The following LARP4 variants were observed in gnomAD, a reference collection of about 807,000 sequenced individuals.
LARP4 encodes La ribonucleoprotein 4, also known as la-related protein 4.
Under a neutral mutation model 92.9 loss-of-function variants are expected in LARP4, and 29 were observed. That is an observed-to-expected ratio of 0.31 (90% CI 0.23 to 0.43). The LOEUF (loss-of-function observed/expected upper bound fraction) is 0.43. Among genes scored for constraint, LARP4 ranks in the 20% least tolerant of loss-of-function variants. The pLI is 1.00. For synonymous variants in LARP4, 279 were observed against 284.1 expected (o/e 0.98, Z 0.18); for missense variants, 732 against 860.0 (o/e 0.85, Z 1.86).
intron 1 of LARP4, among the ~76,000 whole-genome samples, chr12:50,413,830 C>G (rs957691472): frequency 6.6e-6 from 1 of 152,208 alleles, no homozygotes; most frequent in Non-Finnish European, 1.5e-5. Flanking sequence ...AACATTGATA[C>G]AGTCCACAGA....
rs1052588555 is a variant in LARP4 at position 50,477,111 on chromosome 12, A to G, written c.*1247A>G. On this transcript the variant is annotated 3_prime_UTR_variant, in exon 16 of 16. Coordinates refer to ENST00000398473, the MANE Select transcript of LARP4 (RefSeq NM_052879.5). ...CCCTCCTCTTCTCCCCCCACACCCAACAAAATACAGTTTGGAATTCACTGA... is the reference window on the plus strand; with the variant it reads ...CCCTCCTCTTCTCCCCCCACACCCAGCAAAATACAGTTTGGAATTCACTGA... The G allele has an allele frequency of 6.6e-6, 1 of 152,530 alleles. No individual in the cohort carries two copies. Among genetic ancestry groups the G allele is most frequent in the African/African-American group, 2.4e-5 (1 of 41,434 alleles). The allele number at this position is 152,530 out of a possible 1,614,324, so 9.4% of individuals were successfully genotyped here.
At chr12:50,407,163 C>G (rs926740948) in intron 1 of LARP4, among the ~76,000 whole-genome samples, 1 of 152,108 alleles carries the variant, frequency 6.6e-6, no homozygotes, top group African/African-American at 2.4e-5. Context: ...GTAGCTGGGA[C>G]TACAGGCGCG....
At chr12:50,455,613 A>G (rs553929643) in intron 10 of LARP4, among the ~76,000 whole-genome samples, 1 of 152,170 alleles carries the variant, frequency 6.6e-6, no homozygotes, top group South Asian at 2.1e-4. Context: ...TCCTTTTTTG[A>G]CAGGTTTTTC....
chr12:50,401,272 TG>T, intron 1 of LARP4: 2 of 564,690 alleles, frequency 3.5e-6, no homozygotes, highest in Admixed American at 3.0e-5. Context: ...AGGGCTGTTC[TG>T]GTGTGGCGGT....
At chr12:50,412,230 C>G (rs933156446) in intron 1 of LARP4, among the ~76,000 whole-genome samples, 1 of 152,052 alleles carries the variant, frequency 6.6e-6, no homozygotes, top group African/African-American at 2.4e-5. Context: ...TAAGCATCTT[C>G]TGGTAGGATT....
intron 8 of LARP4, among the ~76,000 whole-genome samples, chr12:50,449,083 T>C (rs1412674547): frequency 1.3e-5 from 2 of 151,624 alleles, no homozygotes; most frequent in Non-Finnish European, 2.9e-5. Context: ...CTACTAAAAA[T>C]ACAAAAATAT....
chr12:50,458,670 C>G (rs1954787814), intron 10 of LARP4, among the ~76,000 whole-genome samples: 1 of 152,192 alleles, frequency 6.6e-6, no homozygotes, highest in African/African-American at 2.4e-5. Flanking sequence ...ACATAAATCT[C>G]ACTCTTCTTA....
At chr12:50,462,775 A>AT in intron 12 of LARP4, 145 bp downstream of exon 12, 2 of 588,764 alleles carry the variant, frequency 3.4e-6, no homozygotes, top group South Asian at 2.4e-5. Flanking sequence ...TAACCCTGAA[A>AT]TTTTTACCAC....
At chr12:50,467,747 C>G (rs905935276) in intron 13 of LARP4, among the ~76,000 whole-genome samples, 6 of 152,122 alleles carry the variant, frequency 3.9e-5, no homozygotes, top group African/African-American at 1.4e-4. Context: ...AAGTAGATGT[C>G]TAGAGGCTGA....
intron 4 of LARP4, among the ~76,000 whole-genome samples, chr12:50,433,422 A>G (rs1292525467): frequency 6.6e-6 from 1 of 152,084 alleles, no homozygotes; most frequent in Non-Finnish European, 1.5e-5. Context: ...CAAAATTGCC[A>G]TTAATACATA....
intron 5 of LARP4, among the ~76,000 whole-genome samples, chr12:50,435,926 C>T (rs1268713443): frequency 1.3e-5 from 2 of 152,002 alleles, no homozygotes; most frequent in Non-Finnish European, 2.9e-5. Context: ...CCCAGGCGCA[C>T]ACCACCACAT....
In LARP4 at chr12:50,473,476, C is replaced by T; in HGVS notation, c.1607C>T (p.Ser536Phe). 6.2e-7 allele frequency: 1 copy of T among 1,613,232 alleles called. No homozygotes were observed. The highest frequency in any genetic ancestry group is 8.5e-7 in the Non-Finnish European group (1 of 1,179,268). ...VPADEQTECT[S>F]AQQLNMSTSS... ...GCAGATGAGCAGACAGAATGCACTT[C>T]TGCCCAGCAACTCAATATGAGTACC... The change falls in exon 14 of 16, where the codon TCT becomes TTT. Residue 536 changes from serine (S) to phenylalanine (F), a missense_variant. Ser to Phe is a radical substitution (Grantham distance 155). Around this residue, in one of 7 missense-constraint regions of LARP4, gnomAD observed 97 missense variants for 85.9 expected, o/e 1.13. Coordinates refer to ENST00000398473, the MANE Select transcript of LARP4 (RefSeq NM_052879.5).
rs1166755282 is a variant in LARP4, at chr12:50,401,137, G to C, written c.18+109G>C. The C allele has an allele frequency of 9.5e-6, 12 of 1,256,654 alleles. No homozygotes were observed. In the East Asian group the frequency reaches 1.9e-4, roughly 19 times the overall value. 77.8% of individuals were successfully genotyped at this position (1,256,654 alleles called of 1,614,324 possible). A position where few individuals can be genotyped will look rare whatever the true frequency, so the allele number is the denominator to read the frequency against. On this transcript the variant is annotated intron_variant, in intron 1 of 15. Transcript: ENST00000398473. ...TCCGGGCCGTACACGCCGCGGAACCGGCAGATAGGCTGACACAGCACCTGG... is the reference window on the plus strand; with the variant it reads ...TCCGGGCCGTACACGCCGCGGAACCCGCAGATAGGCTGACACAGCACCTGG...
At position 50,426,684 on chromosome 12, in the gene LARP4, G is replaced by T. The variant is rs946325231; in HGVS notation, c.19-1078G>T. On this transcript the variant is annotated intron_variant, in intron 1 of 15. Transcript: ENST00000398473. Reference sequence around the variant, plus strand: ...GCATGGAACAGGGCATTATGTTTGGGGTGTGTGTGTGTGTGTGTGTGTGTG... The same window carrying T: ...GCATGGAACAGGGCATTATGTTTGGTGTGTGTGTGTGTGTGTGTGTGTGTG... 5.1e-4 allele frequency among the ~76,000 whole-genome samples: 44 copies of T among 86,174 alleles called. 1 individual carries two copies. Among genetic ancestry groups the T allele is most frequent in the Non-Finnish European group, 8.0e-4 (39 of 48,628 alleles). The allele number at this position is 86,174 out of a possible 152,430, so 56.5% of individuals were successfully genotyped here.
intron 1 of LARP4, among the ~76,000 whole-genome samples, chr12:50,419,527 A>T (rs1947387570): frequency 6.6e-6 from 1 of 152,118 alleles, no homozygotes; most frequent in Non-Finnish European, 1.5e-5. Flanking sequence ...TTTCCAAAAA[A>T]CTCAAGTTGA....
At chr12:50,470,156 C>T (rs189821359) in intron 13 of LARP4, among the ~76,000 whole-genome samples, 1 of 151,134 alleles carries the variant, frequency 6.6e-6, no homozygotes, top group African/African-American at 2.4e-5. Flanking sequence ...CCCAGGAGAT[C>T]AGAGCTATGA....
At chr12:50,466,408 G>A (rs771595118) in intron 12 of LARP4, among the ~76,000 whole-genome samples, 3 of 152,096 alleles carry the variant, frequency 2.0e-5, no homozygotes, top group Non-Finnish European at 2.9e-5. Flanking sequence ...AAGCTCAAGA[G>A]TTTGAGACCA....
intron 6 of LARP4, among the ~76,000 whole-genome samples, chr12:50,438,504 A>AG (rs375880370): frequency 6.6e-6 from 1 of 151,500 alleles, no homozygotes; most frequent in Non-Finnish European, 1.5e-5. Context: ...AAAAAAAAAA[A>AG]GGGATTAAGG....
chr12:50,439,588 A>G (rs567765021), intron 6 of LARP4, among the ~76,000 whole-genome samples: 1 of 152,124 alleles, frequency 6.6e-6, no homozygotes, highest in Non-Finnish European at 1.5e-5. Flanking sequence ...TTTTTTTGGT[A>G]AAGATGGTGT....
Sources: allele counts gnomAD v4.1 joint callset (sites outside exome capture counted in the v4.1 genomes callset), GRCh38; gene constraint gnomAD v4.1.1; regional missense constraint gnomAD v4.1.1; transcripts MANE v1.5; gene names NCBI Gene and HGNC (gene_info 2026-07-23, HGNC 2026-07-21).